FRAS1: variants seen among roughly 807,000 people sequenced by gnomAD.
The protein encoded by FRAS1 is extracellular matrix organizing protein FRAS1.
Under a neutral mutation model 435.2 loss-of-function variants are expected in FRAS1, and 290 were observed. That is an observed-to-expected ratio of 0.67 (90% CI 0.61 to 0.73). The LOEUF is 0.73. Among genes scored for constraint, FRAS1 ranks in the 30% least tolerant of loss-of-function variants. FRAS1 has a pLI of 0.00. For missense variants in FRAS1, 4,860 were observed against 5,001.5 expected, an observed-to-expected ratio of 0.97 and a Z score of 0.85; for synonymous variants, 1,800 against 1,851.0, an observed-to-expected ratio of 0.97 and a Z score of 0.71.
chr4:78,525,101 A>G (rs1721490489), intron 69 of FRAS1, among the ~76,000 whole-genome samples: 1 of 152,120 alleles, frequency 6.6e-6, no homozygotes, highest in Admixed American at 6.5e-5. Context: ...TGAAGAAGTA[A>G]GGAGTGGGAG....
At chr4:78,200,307 C>G (rs748165496) in intron 2 of FRAS1, among the ~76,000 whole-genome samples, 34 of 152,176 alleles carry the variant, frequency 2.2e-4, no homozygotes, top group Non-Finnish European at 4.4e-4. Flanking sequence ...GAACCACAAA[C>G]AGTTCCCTGT....
chr4:78,345,248 C>T (rs79969217), intron 20 of FRAS1, among the ~76,000 whole-genome samples: 3,766 of 152,170 alleles, frequency 0.025, 179 homozygotes, highest in African/African-American at 0.085. Flanking sequence ...TAATCATCCC[C>T]GGAAGCCCCC....
At chr4:78,283,038 A>C in intron 12 of FRAS1, 71 bp downstream of exon 12, 2 of 1,162,356 alleles carry the variant, frequency 1.7e-6, no homozygotes, top group Non-Finnish European at 2.3e-6. Flanking sequence ...CCTCTTCCCC[A>C]CCCCCTTGCT....
chr4:78,122,189 A>G (rs186067911), intron 2 of FRAS1, among the ~76,000 whole-genome samples: 84 of 151,644 alleles, frequency 5.5e-4, no homozygotes, highest in African/African-American at 2.0e-3. Context: ...ATGTGTTCTT[A>G]TTGTTCAATT....
chr4:78,278,756 G>C lies in FRAS1; in HGVS notation c.1071+12G>C. On this transcript the variant is annotated intron_variant, in intron 10 of 73. Transcript: ENST00000512123. ...AAACTGGAGAATTTGTGAGTATCAG[G>C]CTTATAACCGAAGATGATTTCAAAT... 2.1e-6 allele frequency: 3 copies of C among 1,425,806 alleles called. No individual in the cohort carries two copies. The highest frequency in any genetic ancestry group is 3.0e-6 in the Non-Finnish European group (3 of 1,015,154). The allele number at this position is 1,425,806 out of a possible 1,614,324, so 88.3% of individuals were successfully genotyped here.
At chr4:78,505,752 CA>C (rs144295324) in intron 61 of FRAS1, among the ~76,000 whole-genome samples, 39,843 of 152,034 alleles carry the variant, frequency 0.26, 5,619 homozygotes, top group South Asian at 0.52. Context: ...AGTCATTCTC[CA>C]TCCATCTTTG....
chr4:78,101,574 A>G (rs959215084), intron 2 of FRAS1, among the ~76,000 whole-genome samples: 8 of 151,942 alleles, frequency 5.3e-5, no homozygotes, highest in Middle Eastern at 3.2e-3. Flanking sequence ...AATTTTTTTC[A>G]TTAGTTACCT....
chr4:78,273,114 T>C (rs1197133551), intron 9 of FRAS1, among the ~76,000 whole-genome samples: 1 of 152,242 alleles, frequency 6.6e-6, no homozygotes, highest in Non-Finnish European at 1.5e-5. Context: ...GCTCTCTGTT[T>C]ATCTGTTATT....
chr4:78,147,693 T>G (rs1720475962), intron 2 of FRAS1, among the ~76,000 whole-genome samples: 1 of 152,156 alleles, frequency 6.6e-6, no homozygotes, highest in Non-Finnish European at 1.5e-5. Context: ...TAGGACATTA[T>G]GTCTGTCCTA....
rs1015638604 is a variant in FRAS1, at chr4:78,380,110, G to C, written c.3563+114G>C. 5.9e-6 allele frequency: 7 copies of C among 1,181,182 alleles called. No homozygotes were observed. In the South Asian group the frequency reaches 1.1e-4, roughly 18 times the overall value. 73.2% of individuals were successfully genotyped at this position (1,181,182 alleles called of 1,614,324 possible). ...TAGCTAACCCTTCTCATCTGGGGAAGATCAATACTCCACAAGCCCAAATAC... is the reference window on the plus strand; with the variant it reads ...TAGCTAACCCTTCTCATCTGGGGAACATCAATACTCCACAAGCCCAAATAC... On this transcript the variant is annotated intron_variant, in intron 27 of 73. Coordinates refer to ENST00000512123, the MANE Select transcript of FRAS1 (RefSeq NM_025074.7).
At chr4:78,068,469 G>A (rs1740162441) in intron 2 of FRAS1, 1 of 455,220 alleles carries the variant, frequency 2.2e-6, no homozygotes, top group Non-Finnish European at 4.4e-6. Flanking sequence ...GGCAGTGCAT[G>A]GAGGATGGCA....
intron 64 of FRAS1, among the ~76,000 whole-genome samples, 153 bp from the exon 65 acceptor site, chr4:78,513,239 C>T (rs974804021): frequency 6.6e-6 from 1 of 152,132 alleles, no homozygotes; most frequent in Non-Finnish European, 1.5e-5. Context: ...TGTATACCCC[C>T]TGTTCAGATA....
At chr4:78,292,654 T>C (rs934993468) in intron 14 of FRAS1, among the ~76,000 whole-genome samples, 2 of 152,148 alleles carry the variant, frequency 1.3e-5, no homozygotes, top group African/African-American at 4.8e-5. Context: ...CTCTTGACAA[T>C]GGCACCTATG....
chr4:78,469,646 A>G (rs1309654202), intron 50 of FRAS1, among the ~76,000 whole-genome samples: 1 of 145,812 alleles, frequency 6.9e-6, no homozygotes, highest in Non-Finnish European at 1.5e-5. Flanking sequence ...TTTTTTTTTC[A>G]TCCCAAGGCA....
intron 33 of FRAS1, 89 bp downstream of exon 33, chr4:78,419,152 G>A (rs1238451229): frequency 4.5e-6 from 3 of 670,174 alleles, no homozygotes; most frequent in Non-Finnish European, 7.4e-6. Context: ...TTGTCTGCTT[G>A]TATACATAGA....
At position 78,499,905 on chromosome 4, in the gene FRAS1, C is replaced by A; in HGVS notation, c.9300C>A (p.Val3100=). The change falls in exon 61 of 74, where the codon GTC becomes GTA. Residue 3100 remains valine, a synonymous_variant. Transcript: ENST00000512123. The part of the protein sequence containing the change: ...SGVDYYPKSR[V]LKFSPGVDHI... ...TGGATTATTACCCAAAGAGCCGAGT[C>A]TTGAAGTTCAGTCCCGGTAATTGAA... The A allele has an allele frequency of 6.4e-7, 1 of 1,572,276 alleles. No homozygotes were observed. Among genetic ancestry groups the A allele is most frequent in the South Asian group, 1.2e-5 (1 of 85,012 alleles).
At chr4:78,179,875 G>C (rs1721924150) in intron 2 of FRAS1, among the ~76,000 whole-genome samples, 1 of 152,208 alleles carries the variant, frequency 6.6e-6, no homozygotes, top group African/African-American at 2.4e-5. Flanking sequence ...GTGGCAATCA[G>C]TGGGAGCCAT....
At chr4:78,199,172 G>A (rs992224497) in intron 2 of FRAS1, among the ~76,000 whole-genome samples, 4 of 152,198 alleles carry the variant, frequency 2.6e-5, no homozygotes, top group Admixed American at 6.5e-5. Flanking sequence ...TGATAGATTG[G>A]TTTTCTAGTT....
intron 20 of FRAS1, 198 bp downstream of exon 20, chr4:78,338,015 A>C (rs1730245700): frequency 1.8e-6 from 1 of 555,352 alleles, no homozygotes; most frequent in Non-Finnish European, 3.2e-6. Flanking sequence ...AACTTCTAAT[A>C]ATACTCTTGC....
Sources: gnomAD v4.1 joint callset for allele counts (sites outside exome capture counted in the v4.1 genomes callset) on GRCh38, gnomAD v4.1.1 for gene constraint, MANE v1.5 for transcripts, NCBI Gene and HGNC (gene_info 2026-07-23, HGNC 2026-07-21) for gene names.